TRPM3: variants seen among roughly 807,000 people sequenced by gnomAD.
TRPM3 encodes transient receptor potential cation channel subfamily M member 3, also known as long transient receptor potential channel 3.
A neutral mutation model predicts 181.2 loss-of-function variants in TRPM3; 77 were observed. That is an observed-to-expected ratio of 0.42 (90% CI 0.35 to 0.51). The LOEUF (loss-of-function observed/expected upper bound fraction) is 0.51. Ranked by LOEUF, TRPM3 falls within the 20% of genes least tolerant of loss-of-function variation. The pLI is 0.01. For missense variants in TRPM3, 1,759 were observed against 2,196.7 expected (o/e 0.80, Z 3.98); for synonymous variants, 745 against 796.4 (o/e 0.94, Z 1.09).
chr9:71,124,298 T>A (rs1264526024), upstream of TRPM3, among the ~76,000 whole-genome samples: 1 of 147,490 alleles, frequency 6.8e-6, no homozygotes, highest in African/African-American at 2.5e-5. Flanking sequence ...TAGAGAGAGG[T>A]CTAATGAGAA....
intron 9 of TRPM3, among the ~76,000 whole-genome samples, chr9:70,668,293 T>C (rs1563915164): frequency 6.6e-6 from 1 of 152,168 alleles, no homozygotes; most frequent in Admixed American, 6.5e-5. Flanking sequence ...GTTTCCTCAA[T>C]TGTAAGATGG....
At chr9:71,252,793 C>T (rs995468456) in intron 1 of TRPM3, among the ~76,000 whole-genome samples, 1 of 151,412 alleles carries the variant, frequency 6.6e-6, no homozygotes, top group East Asian at 1.9e-4. Context: ...CCTCCTCAGC[C>T]TCCCAAGTAG....
chr9:70,957,301 C>T (rs2097088026), intron 1 of TRPM3, among the ~76,000 whole-genome samples: 1 of 152,080 alleles, frequency 6.6e-6, no homozygotes, highest in Non-Finnish European at 1.5e-5. Flanking sequence ...TTTCACTAGA[C>T]TTGTGTACAA....
intron 14 of TRPM3, among the ~76,000 whole-genome samples, chr9:70,621,724 C>T (rs986560434): frequency 6.6e-6 from 1 of 151,992 alleles, no homozygotes; most frequent in Non-Finnish European, 1.5e-5. Context: ...TACCATATGG[C>T]GTTTATTTTA....
intron 2 of TRPM3, 84 bp from the exon 3 acceptor site, chr9:70,863,196 T>A: frequency 8.4e-7 from 1 of 1,185,534 alleles, no homozygotes; most frequent in Non-Finnish European, 1.2e-6. Flanking sequence ...GAGAAATCTA[T>A]AGTCTGTGCC....
At chr9:70,946,541 G>A (rs1370039746) in intron 1 of TRPM3, among the ~76,000 whole-genome samples, 2 of 152,078 alleles carry the variant, frequency 1.3e-5, no homozygotes, top group African/African-American at 2.4e-5. Flanking sequence ...TACAGTGTGG[G>A]CACCATAAAA....
At chr9:71,033,188 C>G (rs1805129738) in intron 1 of TRPM3, among the ~76,000 whole-genome samples, 1 of 152,184 alleles carries the variant, frequency 6.6e-6, no homozygotes, top group Non-Finnish European at 1.5e-5. Flanking sequence ...AAATGTGGTA[C>G]TTAGAGAGAA....
At chr9:71,357,796 CAG>C (rs2091967951) in intron 1 of TRPM3, among the ~76,000 whole-genome samples, 1 of 151,368 alleles carries the variant, frequency 6.6e-6, no homozygotes, top group East Asian at 1.9e-4. Context: ...CTTCTTTATA[CAG>C]AGAGATTGAG....
chr9:70,836,293 C>T (rs889131632), intron 5 of TRPM3, among the ~76,000 whole-genome samples: 3 of 152,098 alleles, frequency 2.0e-5, no homozygotes, highest in African/African-American at 7.2e-5. Flanking sequence ...GCTATCAGCA[C>T]ATAAACAAAC....
intron 1 of TRPM3, among the ~76,000 whole-genome samples, chr9:71,313,820 T>G (rs906995439): frequency 3.3e-4 from 50 of 152,136 alleles, no homozygotes; most frequent in African/African-American, 1.2e-3. Flanking sequence ...CATGGAACCT[T>G]ATCATTTTTC....
At chr9:70,864,077 GT>G (rs1211909621) in intron 2 of TRPM3, among the ~76,000 whole-genome samples, 1 of 151,992 alleles carries the variant, frequency 6.6e-6, no homozygotes, top group Non-Finnish European at 1.5e-5. Context: ...TTATTTAAGT[GT>G]CTCCTTTTTT....
At chr9:71,372,169 T>A (rs1452331741) in intron 1 of TRPM3, among the ~76,000 whole-genome samples, 1 of 152,218 alleles carries the variant, frequency 6.6e-6, no homozygotes, top group Non-Finnish European at 1.5e-5. Flanking sequence ...ATTCCTTTTT[T>A]ATGGCTGCAC....
At chr9:70,927,941 C>T (rs948326640) in intron 1 of TRPM3, among the ~76,000 whole-genome samples, 51 of 152,154 alleles carry the variant, frequency 3.4e-4, no homozygotes, top group Admixed American at 3.3e-3. Context: ...TTATTAAAAG[C>T]TTTCCTAAGA....
chr9:70,935,795 T>C (rs1337014), intron 1 of TRPM3, among the ~76,000 whole-genome samples: 13,356 of 152,118 alleles, frequency 0.088, 662 homozygotes, highest in African/African-American at 0.14. Context: ...GCAGATTTTT[T>C]CCCCCAAGCG....
At chr9:70,968,750 A>T (rs573572740) in intron 1 of TRPM3, among the ~76,000 whole-genome samples, 1 of 152,302 alleles carries the variant, frequency 6.6e-6, no homozygotes, top group Non-Finnish European at 1.5e-5. Context: ...CAACAATTAT[A>T]TAAGGTAGAT....
At chr9:70,677,343 C>T (rs1240750224) in intron 9 of TRPM3, among the ~76,000 whole-genome samples, 1 of 152,222 alleles carries the variant, frequency 6.6e-6, no homozygotes, top group African/African-American at 2.4e-5. Flanking sequence ...TCCTGAGCTG[C>T]TAATCTAAGC....
intron 3 of TRPM3, among the ~76,000 whole-genome samples, chr9:70,849,616 G>A (rs140557525): frequency 2.0e-3 from 305 of 152,250 alleles, no homozygotes; most frequent in African/African-American, 7.1e-3. Context: ...GAAAGTGACA[G>A]AACTAAAACA....
At chr9:70,877,879 A>G (rs1468273971) in intron 1 of TRPM3, among the ~76,000 whole-genome samples, 1 of 151,036 alleles carries the variant, frequency 6.6e-6, no homozygotes, top group East Asian at 1.9e-4. Flanking sequence ...ACTATTTATG[A>G]TTATTCATTA....
At chr9:70,663,339 A>G (rs1291593388) in intron 9 of TRPM3, among the ~76,000 whole-genome samples, 1 of 152,170 alleles carries the variant, frequency 6.6e-6, no homozygotes, top group African/African-American at 2.4e-5. Context: ...TCAACACTAA[A>G]GAACTTATCC....
Sources: allele counts gnomAD v4.1 joint callset (sites outside exome capture counted in the v4.1 genomes callset), GRCh38; gene constraint gnomAD v4.1.1; transcripts MANE v1.5; gene names NCBI Gene and HGNC (gene_info 2026-07-23, HGNC 2026-07-21).